GABRA3: variants seen among roughly 807,000 people sequenced by gnomAD.
GABRA3 encodes gamma-aminobutyric acid receptor subunit alpha-3.
Under a neutral mutation model 30.1 loss-of-function variants are expected in GABRA3, and 10 were observed. The ratio of observed to expected loss-of-function variants is 0.33; its 90% CI spans 0.20 to 0.56. The LOEUF (loss-of-function observed/expected upper bound fraction) is 0.56. Among genes scored for constraint, GABRA3 ranks in the 20% least tolerant of loss-of-function variants. GABRA3 has a pLI of 0.89. For synonymous variants in GABRA3, 151 were observed against 146.8 expected, an observed-to-expected ratio of 1.03 and a Z score of -0.21; for missense variants, 233 against 392.0, an observed-to-expected ratio of 0.59 and a Z score of 3.42.
intron 9 of GABRA3, among the ~76,000 whole-genome samples, chrX:152,182,542 G>GTA (rs1937173158): frequency 1.3e-5 from 1 of 77,225 alleles, no homozygotes; most frequent in South Asian, 6.4e-4. Context: ...TGCATATATA[G>GTA]TGTATATATA....
chrX:152,422,439 C>T (rs972727037), intron 1 of GABRA3, among the ~76,000 whole-genome samples: 2 of 110,342 alleles, frequency 1.8e-5, no homozygotes, highest in African/African-American at 3.3e-5. Flanking sequence ...AGAGATGGTT[C>T]TGGTGTGTTA....
intron 8 of GABRA3, among the ~76,000 whole-genome samples, chrX:152,191,157 T>A (rs1937320444): frequency 9.0e-6 from 1 of 110,794 alleles, no homozygotes; most frequent in Non-Finnish European, 1.9e-5. Context: ...GTAGCTTCTA[T>A]AATTAACATG....
At chrX:152,324,651 T>G (rs920579838) in intron 3 of GABRA3, among the ~76,000 whole-genome samples, 15 of 111,855 alleles carry the variant, frequency 1.3e-4, no homozygotes, top group African/African-American at 4.9e-4. Context: ...CCTTAAATAA[T>G]TATACTAAAA....
intron 7 of GABRA3, 39 bp downstream of exon 7, chrX:152,207,962 G>C (rs765755111): frequency 2.6e-6 from 3 of 1,159,300 alleles, no homozygotes; most frequent in South Asian, 3.7e-5. Flanking sequence ...ATGTGGTATA[G>C]GTTACAGAAA....
intron 3 of GABRA3, 61 bp from the exon 4 acceptor site, chrX:152,284,796 G>A (rs770384968): frequency 2.2e-4 from 188 of 840,566 alleles, no homozygotes; most frequent in Non-Finnish European, 2.9e-4. Context: ...AGCTCAGAGA[G>A]AGTCCAGTGC....
intron 1 of GABRA3, among the ~76,000 whole-genome samples, chrX:152,443,380 A>G (rs767203685): frequency 8.9e-6 from 1 of 112,231 alleles, no homozygotes; most frequent in African/African-American, 3.2e-5. Flanking sequence ...GTAATCAACA[A>G]TCTTATACAG....
intron 3 of GABRA3, among the ~76,000 whole-genome samples, chrX:152,292,618 C>G (rs765146323): frequency 9.0e-6 from 1 of 111,290 alleles, no homozygotes; most frequent in East Asian, 2.8e-4. Flanking sequence ...TGTTGCTTCT[C>G]TAGTTCTTTT....
intron 4 of GABRA3, among the ~76,000 whole-genome samples, chrX:152,283,441 A>G (rs1473215592): frequency 9.0e-6 from 1 of 111,584 alleles, no homozygotes; most frequent in African/African-American, 3.3e-5. Context: ...CCTTCCAAAC[A>G]TTCACATACT....
intron 5 of GABRA3, among the ~76,000 whole-genome samples, chrX:152,252,187 A>T (rs1938567045): frequency 9.0e-6 from 1 of 111,163 alleles, no homozygotes; most frequent in Non-Finnish European, 1.9e-5. Context: ...TTCTATGTGC[A>T]CTATCTCCCC....
intron 1 of GABRA3, among the ~76,000 whole-genome samples, chrX:152,440,081 C>G (rs1451179340): frequency 2.7e-5 from 3 of 112,056 alleles, no homozygotes; most frequent in Non-Finnish European, 5.6e-5. Context: ...TCAGAGTGAA[C>G]AGGCAACCTA....
At chrX:152,248,743 T>A (rs1035508684) in intron 5 of GABRA3, among the ~76,000 whole-genome samples, 1 of 111,687 alleles carries the variant, frequency 9.0e-6, no homozygotes, top group African/African-American at 3.2e-5. Context: ...TAAGTTCAAG[T>A]GATCTATCAT....
chrX:152,237,482 C>T, intron 5 of GABRA3, among the ~76,000 whole-genome samples: 1 of 100,486 alleles, frequency 1.0e-5, no homozygotes, highest in Non-Finnish European at 2.0e-5. Context: ...AATGCGGGCT[C>T]TTTTTTGGTT....
At chrX:152,413,835 A>G (rs969540783) in intron 1 of GABRA3, among the ~76,000 whole-genome samples, 11 of 110,985 alleles carry the variant, frequency 9.9e-5, no homozygotes, top group Non-Finnish European at 1.9e-4. Context: ...GAATGGAAGG[A>G]AAGACTTTAA....
intron 2 of GABRA3, among the ~76,000 whole-genome samples, chrX:152,354,931 G>A (rs950879872): frequency 2.7e-5 from 3 of 111,933 alleles, no homozygotes; most frequent in African/African-American, 9.7e-5. Flanking sequence ...GTAAATGGAA[G>A]GGTTTGGACT....
At chrX:152,332,867 C>A (rs1029149111) in intron 3 of GABRA3, among the ~76,000 whole-genome samples, 3 of 112,231 alleles carry the variant, frequency 2.7e-5, no homozygotes, top group African/African-American at 9.7e-5. Flanking sequence ...ATTTTATGGT[C>A]AAAAATTCTC....
chrX:152,296,644 T>C (rs1398688729), intron 3 of GABRA3, among the ~76,000 whole-genome samples: 1 of 111,002 alleles, frequency 9.0e-6, no homozygotes, highest in Non-Finnish European at 1.9e-5. Flanking sequence ...CCCTCTAGTG[T>C]CTAGTACCTG....
intron 3 of GABRA3, among the ~76,000 whole-genome samples, chrX:152,328,450 A>G (rs1208509242): frequency 5.4e-5 from 6 of 112,105 alleles, no homozygotes; most frequent in East Asian, 5.6e-4. Context: ...AAAATCCTCA[A>G]TAAAATACTG....
At chrX:152,335,699 C>T (rs1940223336) in intron 3 of GABRA3, among the ~76,000 whole-genome samples, 2 of 111,791 alleles carry the variant, frequency 1.8e-5, no homozygotes, top group African/African-American at 6.5e-5. Flanking sequence ...TGGGCTTTTA[C>T]TATACCCACC....
At chrX:152,425,715 C>A (rs1602723898) in intron 1 of GABRA3, among the ~76,000 whole-genome samples, 1 of 110,659 alleles carries the variant, frequency 9.0e-6, no homozygotes, top group African/African-American at 3.3e-5. Flanking sequence ...TGACTTTCAA[C>A]TTCTGTCCTG....
Sources: allele counts gnomAD v4.1 joint callset (sites outside exome capture counted in the v4.1 genomes callset), GRCh38; gene constraint gnomAD v4.1.1; transcripts MANE v1.5; gene names NCBI Gene and HGNC (gene_info 2026-07-23, HGNC 2026-07-21).